Variants in POU2F3 observed in about 807,000 individuals in gnomAD.
POU2F3 encodes POU class 2 homeobox 3.
In POU2F3, 23 loss-of-function variants were observed where a neutral mutation model predicts 59.2. The ratio of observed to expected loss-of-function variants is 0.39; its 90% CI spans 0.28 to 0.55. POU2F3 has a LOEUF of 0.55. Ranked by LOEUF, POU2F3 falls within the 20% of genes least tolerant of loss-of-function variation. POU2F3 has a pLI of 0.66. For missense variants in POU2F3, 473 were observed against 544.5 expected (o/e 0.87, Z 1.31); for synonymous variants, 190 against 214.6 (o/e 0.89, Z 1.00).
At chr11:120,236,776 A>G (rs1938512990), upstream of POU2F3, 2 of 1,381,778 alleles carry the variant, frequency 1.4e-6, no homozygotes, top group Non-Finnish European at 9.9e-7. Flanking sequence ...AGTCTGAGAG[A>G]GAAGGAATAA....
rs140971252 is a variant in POU2F3 at position 120,314,487 on chromosome 11, G to T, written c.1069-874G>T. Among the ~76,000 whole-genome samples, 78 of 152,360 alleles carry T rather than the reference G, an allele frequency of 5.1e-4. 1 individual carries two copies. In the Middle Eastern group the frequency reaches 0.02, roughly 40 times the overall value. ...AACAAGCTGACACTCTTTGCCAGCT[G>T]TTGGGTTGGAAGCTTTACAGACATT... On this transcript the variant is annotated intron_variant, in intron 10 of 12. Coordinates refer to ENST00000543440, the MANE Select transcript of POU2F3 (RefSeq NM_014352.4).
At chr11:120,288,950 C>G (rs1395294479) in intron 3 of POU2F3, among the ~76,000 whole-genome samples, 1 of 152,126 alleles carries the variant, frequency 6.6e-6, no homozygotes, top group East Asian at 1.9e-4. Flanking sequence ...AGAAGCAGCT[C>G]TACAGCTAAC....
rs760160515 is a variant in POU2F3 at position 120,305,775 on chromosome 11, G to A, written c.759G>A (p.Leu253=). 26 of 1,613,418 alleles carry A rather than the reference G, an allele frequency of 1.6e-5. No individual in the cohort carries two copies. Among genetic ancestry groups the A allele is most frequent in the Non-Finnish European group, 2.1e-5 (25 of 1,180,004 alleles). ...CKLKPLLEKW[L]NDAESSPSDP... ...TCAAGCCCCTGCTGGAGAAGTGGCT[G>A]AATGATGCAGGTAGGCCTCGCAAAC... Residue 253 remains leucine, a synonymous_variant, in exon 8 of 13, where the codon CTG becomes CTA. Coordinates refer to ENST00000543440, the MANE Select transcript of POU2F3 (RefSeq NM_014352.4).
Position 120,299,547 on chromosome 11 carries a change from G to C in POU2F3, c.259-77G>C. 14 of 1,340,136 alleles carry C rather than the reference G, an allele frequency of 1.0e-5. No homozygotes were observed. The South Asian group carries it at 1.6e-4, about 15-fold the overall frequency. The allele number at this position is 1,340,136 out of a possible 1,614,324, so 83.0% of individuals were successfully genotyped here. ...CTCTGAGTCTGGAGACCCCTGGGAC[G>C]GACGAGTGGCAGGCAGATGGGGCTG... On this transcript the variant is annotated intron_variant, in intron 4 of 12. Transcript: ENST00000543440.
chr11:120,284,866 C>T (rs1342921747), intron 3 of POU2F3, among the ~76,000 whole-genome samples: 1 of 152,178 alleles, frequency 6.6e-6, no homozygotes, highest in Admixed American at 6.5e-5. Context: ...TCAGCAGCAT[C>T]CCACAGAGCC....
intron 2 of POU2F3, among the ~76,000 whole-genome samples, chr11:120,251,553 G>A (rs1939100889): frequency 1.3e-5 from 2 of 152,114 alleles, no homozygotes; most frequent in Non-Finnish European, 2.9e-5. Context: ...GTCTGTACTG[G>A]CTCCATCCCT....
intron 2 of POU2F3, chr11:120,254,960 T>C (rs1411091650): frequency 6.6e-6 from 1 of 152,236 alleles, no homozygotes; most frequent in African/African-American, 2.4e-5. Context: ...CCCAAAAGCA[T>C]CAGTGCTGTT....
At chr11:120,304,991 G>C in intron 6 of POU2F3, 39 bp from the exon 7 acceptor site, 1 of 749,686 alleles carries the variant, frequency 1.3e-6, no homozygotes, top group East Asian at 2.4e-5. Flanking sequence ...GTTATTTATT[G>C]ATCTTCGTGG....
At chr11:120,286,642 T>C (rs1330983735) in intron 3 of POU2F3, among the ~76,000 whole-genome samples, 1 of 152,208 alleles carries the variant, frequency 6.6e-6, no homozygotes, top group Non-Finnish European at 1.5e-5. Flanking sequence ...TTAAAGGTAA[T>C]TATGTCACAC....
At chr11:120,242,374 G>A (rs1038553234) in intron 1 of POU2F3, among the ~76,000 whole-genome samples, 1 of 152,116 alleles carries the variant, frequency 6.6e-6, no homozygotes, top group African/African-American at 2.4e-5. Flanking sequence ...TGTGAAGGAG[G>A]ATCGCTCTTC....
chr11:120,307,669 A>G, intron 9 of POU2F3, 54 bp downstream of exon 9: 1 of 1,606,024 alleles, frequency 6.2e-7, no homozygotes, highest in Non-Finnish European at 8.5e-7. Flanking sequence ...AGGTAGGGAG[A>G]GCAGACACGG....
rs549160244 is a variant in POU2F3 at position 120,302,100 on chromosome 11, C to T, written c.362-186C>T. 11 of 584,638 alleles carry T rather than the reference C, an allele frequency of 1.9e-5. No individual in the cohort carries two copies. In the South Asian group the frequency reaches 2.4e-4, roughly 13 times the overall value. The allele number at this position is 584,638 out of a possible 1,614,324, so 36.2% of individuals were successfully genotyped here. A position where few individuals can be genotyped will look rare whatever the true frequency, so the allele number is the denominator to read the frequency against. ...GTTTATCCCTGTATCTGATTTGCCTCCACCTGTATGTGGCAATGCCTGGCA... is the reference window on the plus strand; with the variant it reads ...GTTTATCCCTGTATCTGATTTGCCTTCACCTGTATGTGGCAATGCCTGGCA... On this transcript the variant is annotated intron_variant, in intron 5 of 12. Coordinates refer to ENST00000543440, the MANE Select transcript of POU2F3 (RefSeq NM_014352.4).
At chr11:120,260,960 A>T (rs542899948) in intron 2 of POU2F3, among the ~76,000 whole-genome samples, 5 of 152,106 alleles carry the variant, frequency 3.3e-5, no homozygotes, top group African/African-American at 1.2e-4. Flanking sequence ...TACCTACTGG[A>T]AAGGCTGAGG....
chr11:120,261,533 A>G lies in POU2F3; in HGVS notation c.98-7677A>G, dbSNP rs148262910. ...GCTGTTGGCCCTTCCTACTTGGCAC[A>G]GATCTCATCCATTTGCTCCCAAGAC... On this transcript the variant is annotated intron_variant, in intron 2 of 12. Transcript: ENST00000543440. Among the ~76,000 whole-genome samples the G allele has an allele frequency of 9.7e-4, 148 of 152,334 alleles. 1 individual carries two copies. Among genetic ancestry groups the G allele is most frequent in the Non-Finnish European group, 1.7e-3 (116 of 68,034 alleles).
rs114949130 is a variant in POU2F3 at position 120,285,430 on chromosome 11, C to T, written c.133-12835C>T. Among the ~76,000 whole-genome samples the T allele has an allele frequency of 0.019, 2,893 of 152,298 alleles. 86 individuals carry two copies. Among genetic ancestry groups the T allele is most frequent in the African/African-American group, 0.064 (2,674 of 41,550 alleles). On this transcript the variant is annotated intron_variant, in intron 3 of 12. Transcript: ENST00000543440. This position sits in a 1 kb window ranked among gnomAD's most constrained non-coding sequence, Gnocchi z 4.3. Reference sequence around the variant, plus strand: ...CTGTCCCAATCACATGGCAGCCCTTCAATATTTGAGAAGAGTCATCACCCT... The same window carrying T: ...CTGTCCCAATCACATGGCAGCCCTTTAATATTTGAGAAGAGTCATCACCCT...
chr11:120,301,191 A>C, intron 5 of POU2F3: 1 of 422,804 alleles, frequency 2.4e-6, no homozygotes, highest in Admixed American at 2.6e-5. Flanking sequence ...TGTTTTGGGG[A>C]AAGTTACCTA....
chr11:120,282,334 A>G (rs1345470631), intron 3 of POU2F3, among the ~76,000 whole-genome samples: 1 of 152,212 alleles, frequency 6.6e-6, no homozygotes, highest in Admixed American at 6.5e-5. Flanking sequence ...ATGAAATATT[A>G]TTTTCCTTCA....
intron 2 of POU2F3, among the ~76,000 whole-genome samples, chr11:120,246,844 A>G (rs1228980797): frequency 5.3e-5 from 8 of 152,198 alleles, no homozygotes. Context: ...TCTTTCTTAG[A>G]TGGGGACAAG....
chr11:120,292,319 C>G (rs1298118263), intron 3 of POU2F3, among the ~76,000 whole-genome samples: 1 of 151,990 alleles, frequency 6.6e-6, no homozygotes, highest in Non-Finnish European at 1.5e-5. Flanking sequence ...ACAGCAAAGT[C>G]CTTCCCTGAT....
Sources: gnomAD v4.1 joint callset for allele counts (sites outside exome capture counted in the v4.1 genomes callset) on GRCh38, gnomAD v4.1.1 for gene constraint, Gnocchi (gnomAD v3.1) non-coding constraint, MANE v1.5 for transcripts, NCBI Gene and HGNC (gene_info 2026-07-23, HGNC 2026-07-21) for gene names.